The following GATAD2A variants were observed in gnomAD, a reference collection of about 807,000 sequenced individuals.
GATAD2A encodes transcriptional repressor p66-alpha.
A neutral mutation model predicts 68.5 loss-of-function variants in GATAD2A; 12 were observed. The ratio of observed to expected loss-of-function variants is 0.18; its 90% CI spans 0.11 to 0.28. The LOEUF (loss-of-function observed/expected upper bound fraction) is 0.28. Ranked by LOEUF, GATAD2A falls within the 10% of genes least tolerant of loss-of-function variation. The probability of loss-of-function intolerance (pLI) is 1.00; values close to 1 mark genes in which losing one functional copy is unlikely to be tolerated. For synonymous variants in GATAD2A, 410 were observed against 375.3 expected (o/e 1.09, Z -1.07); for missense variants, 755 against 868.5 (o/e 0.87, Z 1.64).
chr19:19,499,354 G>A (rs1278302546), intron 8 of GATAD2A, among the ~76,000 whole-genome samples: 1 of 152,168 alleles, frequency 6.6e-6, no homozygotes, highest in Non-Finnish European at 1.5e-5. Flanking sequence ...TTGAGGTTGG[G>A]GTGACACGAG....
intron 2 of GATAD2A, among the ~76,000 whole-genome samples, chr19:19,491,666 G>A (rs540866659): frequency 6.6e-6 from 1 of 152,280 alleles, no homozygotes; most frequent in African/African-American, 2.4e-5. Context: ...CGCCATGTGG[G>A]GCCCAAGAAG....
intron 1 of GATAD2A, among the ~76,000 whole-genome samples, chr19:19,447,981 C>T (rs994290760): frequency 6.6e-6 from 1 of 152,246 alleles, no homozygotes. Flanking sequence ...CCTGGCTCAG[C>T]CCTGAGAGAC....
chr19:19,498,219 T>C (rs2060277921), intron 7 of GATAD2A, among the ~76,000 whole-genome samples: 1 of 152,254 alleles, frequency 6.6e-6, no homozygotes, highest in Non-Finnish European at 1.5e-5. Flanking sequence ...GGTGCACATG[T>C]GCAGATGAGC....
upstream of GATAD2A, among the ~76,000 whole-genome samples, chr19:19,403,904 C>A (rs1036342693): frequency 3.3e-5 from 5 of 152,152 alleles, no homozygotes; most frequent in Admixed American, 2.6e-4. Context: ...ACCGAGTCAC[C>A]TGTTTGAGAA....
chr19:19,453,667 T>A (rs1049363764), intron 1 of GATAD2A, among the ~76,000 whole-genome samples: 3 of 140,006 alleles, frequency 2.1e-5, no homozygotes, highest in African/African-American at 5.7e-5. Context: ...GGCTATTTTT[T>A]AATTTTTTTA....
chr19:19,488,733 A>G (rs1309987145), intron 2 of GATAD2A, among the ~76,000 whole-genome samples: 1 of 152,204 alleles, frequency 6.6e-6, no homozygotes, highest in Non-Finnish European at 1.5e-5. Context: ...GGGTGAGACC[A>G]TTTACGCTGA....
chr19:19,470,298 C>T (rs1489017657), intron 2 of GATAD2A, among the ~76,000 whole-genome samples: 1 of 151,944 alleles, frequency 6.6e-6, no homozygotes, highest in Non-Finnish European at 1.5e-5. Context: ...CCACGCCCAG[C>T]TAATTTTTTG....
At chr19:19,496,371 G>C (rs1291649929) in intron 7 of GATAD2A, 152 bp downstream of exon 7, 2 of 711,166 alleles carry the variant, frequency 2.8e-6, no homozygotes, top group Non-Finnish European at 4.7e-6. Context: ...GCTTGGACTT[G>C]AGCTCCTGGG....
chr19:19,448,192 C>G (rs2055958868), intron 1 of GATAD2A, among the ~76,000 whole-genome samples: 1 of 152,268 alleles, frequency 6.6e-6, no homozygotes, highest in African/African-American at 2.4e-5. Flanking sequence ...CGTCCTACAG[C>G]TGGGACTCTG....
At chr19:19,494,000 A>T (rs1393249984) in intron 4 of GATAD2A, among the ~76,000 whole-genome samples, 1 of 152,122 alleles carries the variant, frequency 6.6e-6, no homozygotes, top group Non-Finnish European at 1.5e-5. Flanking sequence ...TCTGTCCCCT[A>T]GAGGGCACAG....
At chr19:19,405,231 C>T (rs1237021838), upstream of GATAD2A, among the ~76,000 whole-genome samples, 1 of 152,178 alleles carries the variant, frequency 6.6e-6, no homozygotes, top group Non-Finnish European at 1.5e-5. Flanking sequence ...CGATCCACAC[C>T]CCGCCCTCCC....
chr19:19,490,615 C>T (rs1419744800), intron 2 of GATAD2A, among the ~76,000 whole-genome samples: 1 of 152,160 alleles, frequency 6.6e-6, no homozygotes, highest in Admixed American at 6.5e-5. Flanking sequence ...AAAAAATGGA[C>T]TTGATTCACT....
intron 1 of GATAD2A, among the ~76,000 whole-genome samples, chr19:19,390,008 C>A (rs2048730817): frequency 6.6e-6 from 1 of 152,174 alleles, no homozygotes; most frequent in African/African-American, 2.4e-5. Flanking sequence ...AAGTGATCTG[C>A]CCGCCTCAGC....
At chr19:19,420,005 C>CTTTTTTTTTTTTT (rs397859927) in intron 1 of GATAD2A, among the ~76,000 whole-genome samples, 3 of 68,712 alleles carry the variant, frequency 4.4e-5, no homozygotes, top group African/African-American at 1.5e-4. Context: ...ACCATCTTGA[C>CTTTTTTTTTTTTT]TTTTTTTTTT....
At chr19:19,428,558 C>T (rs2053356786) in intron 1 of GATAD2A, among the ~76,000 whole-genome samples, 1 of 152,110 alleles carries the variant, frequency 6.6e-6, no homozygotes, top group South Asian at 2.1e-4. Flanking sequence ...CCAGGTGAGC[C>T]AGGCTGGGCA....
intron 5 of GATAD2A, among the ~76,000 whole-genome samples, chr19:19,494,742 C>A (rs945212362): frequency 6.6e-6 from 1 of 152,206 alleles, no homozygotes; most frequent in East Asian, 1.9e-4. Context: ...GGTTTTCTCC[C>A]AGCCATATGG....
At chr19:19,447,166 T>TG (rs921785377) in intron 1 of GATAD2A, among the ~76,000 whole-genome samples, 2 of 152,108 alleles carry the variant, frequency 1.3e-5, no homozygotes, top group African/African-American at 4.8e-5. Context: ...AGAGACCCCC[T>TG]GGGGGGCATG....
At chr19:19,431,540 A>G (rs1322969770) in intron 1 of GATAD2A, among the ~76,000 whole-genome samples, 3 of 151,564 alleles carry the variant, frequency 2.0e-5, no homozygotes, top group Non-Finnish European at 2.9e-5. Flanking sequence ...ATAAAAATAT[A>G]AAAATTAGCT....
chr19:19,420,158 G>A (rs1172909728), intron 1 of GATAD2A, among the ~76,000 whole-genome samples: 9 of 142,488 alleles, frequency 6.3e-5, no homozygotes, highest in South Asian at 2.3e-4. Flanking sequence ...TTATAGGCAC[G>A]CACCACTATA....
Sources: allele counts gnomAD v4.1 joint callset (sites outside exome capture counted in the v4.1 genomes callset), GRCh38; gene constraint gnomAD v4.1.1; transcripts MANE v1.5; gene names NCBI Gene and HGNC (gene_info 2026-07-23, HGNC 2026-07-21).